KLHDC8B: variants seen among roughly 807,000 people sequenced by gnomAD.
KLHDC8B encodes the protein kelch domain containing 8B.
Under a neutral mutation model 26.3 loss-of-function variants are expected in KLHDC8B, and 19 were observed. The ratio of observed to expected loss-of-function variants is 0.72; its 90% CI spans 0.50 to 1.06. The LOEUF (loss-of-function observed/expected upper bound fraction) is 1.06. Ranked by LOEUF, KLHDC8B falls within the 50% of genes least tolerant of loss-of-function variation. KLHDC8B has a pLI of 0.00. For missense variants in KLHDC8B, 411 were observed against 488.1 expected (o/e 0.84, Z 1.49); for synonymous variants, 150 against 188.4 (o/e 0.80, Z 1.67).
chr3:49,175,074 A>C lies in KLHDC8B; in HGVS notation c.779A>C (p.Lys260Thr). 1 of 1,614,120 alleles carries C rather than the reference A, an allele frequency of 6.2e-7. No individual in the cohort carries two copies. The highest frequency in any genetic ancestry group is 2.2e-5 in the East Asian group (1 of 44,888). The change falls in exon 5 of 6, where the codon AAA (lysine) becomes ACA (threonine). Residue 260 changes from lysine to threonine, a missense_variant. Transcript: ENST00000332780. ...MFDLEHGSWT[K>T]LPRSLRMRDK... ...CCCTCTCCTGCAGGGTCCTGGACCA[A>C]ATTGCCCCGCAGCCTGCGCATGAGG... is the stretch of plus-strand genomic sequence containing the variant.
intron 5 of KLHDC8B, 126 bp downstream of exon 5, chr3:49,175,289 C>G: frequency 2.7e-6 from 2 of 746,072 alleles, no homozygotes; most frequent in African/African-American, 3.5e-5. Context: ...AGCTCTTTTC[C>G]CTATCTATGA....
chr3:49,172,943 A>G lies in KLHDC8B; in HGVS notation c.174A>G (p.Thr58=), dbSNP rs1382159075. Residue 58 remains threonine (T), a synonymous_variant, in exon 2 of 6, where the codon ACA becomes ACG. Coordinates refer to ENST00000332780, the MANE Select transcript of KLHDC8B (RefSeq NM_173546.3). ...AGACACTGGACATGGCCTCGCACAC[A>G]TGGCTGGCACTGGCACCCCTGCCCA... is the stretch of plus-strand genomic sequence containing the variant. ...TAETLDMASH[T]WLALAPLPTA... 4 of 1,613,806 alleles carry G rather than the reference A, an allele frequency of 2.5e-6. No homozygotes were observed. In the African/African-American group the frequency reaches 4.0e-5, roughly 16 times the overall value.
chr3:49,174,838 C>T lies in KLHDC8B; in HGVS notation c.638C>T (p.Ala213Val), dbSNP rs550840102. ...TRHPSLPSRR[A>V]FAGCAMAEGS... ...CATCCAAGCCTACCCAGCCGTCGGGCCTTTGCTGGCTGCGCCATGGCTGAA... is the reference window on the plus strand; with the variant it reads ...CATCCAAGCCTACCCAGCCGTCGGGTCTTTGCTGGCTGCGCCATGGCTGAA... Residue 213 changes from alanine (A) to valine (V), a missense_variant, in exon 4 of 6, where the codon GCC (alanine) becomes GTC (valine). Coordinates refer to ENST00000332780, the MANE Select transcript of KLHDC8B (RefSeq NM_173546.3). 9.9e-6 allele frequency: 16 copies of T among 1,614,024 alleles called. No homozygotes were observed. The highest frequency in any genetic ancestry group is 1.4e-5 in the Non-Finnish European group (16 of 1,180,050).
intron 5 of KLHDC8B, 131 bp downstream of exon 5, chr3:49,175,294 CTA>C (rs2045816246): frequency 4.1e-6 from 3 of 723,608 alleles, no homozygotes. Context: ...TTTTCCCTAT[CTA>C]TGAAGTAGGC....
chr3:49,175,469 T>C (rs2045818199), intron 5 of KLHDC8B, 136 bp from the exon 6 acceptor site: 1 of 677,100 alleles, frequency 1.5e-6, no homozygotes, highest in Non-Finnish European at 2.6e-6. Flanking sequence ...ATGATGAACA[T>C]AGGCAATGAG....
At chr3:49,174,444 GA>G (rs1370168855) in intron 3 of KLHDC8B, 41 bp downstream of exon 3, 2 of 1,583,348 alleles carry the variant, frequency 1.3e-6, no homozygotes, top group African/African-American at 2.7e-5. Context: ...TCAGAGTCTA[GA>G]AATCCTCATC....
At chr3:49,174,209 G>A in intron 2 of KLHDC8B, 30 bp from the exon 3 acceptor site, 1 of 1,565,434 alleles carries the variant, frequency 6.4e-7, no homozygotes, top group Non-Finnish European at 8.7e-7. Flanking sequence ...GCAGGCTGAG[G>A]TACAATCTGA....
chr3:49,174,682 G>A, intron 3 of KLHDC8B, 60 bp from the exon 4 acceptor site: 1 of 1,537,706 alleles, frequency 6.5e-7, no homozygotes, highest in South Asian at 1.3e-5. Flanking sequence ...GCAACCTAGT[G>A]AGCAAGGAGC....
chr3:49,174,221 C>T lies in KLHDC8B; in HGVS notation c.377-18C>T, dbSNP rs1212235452. 3 of 1,588,724 alleles carry T rather than the reference C, an allele frequency of 1.9e-6. No homozygotes were observed. In the Admixed American group the frequency reaches 5.1e-5, roughly 27 times the overall value. ...CTGGCAGGCTGAGGTACAATCTGAA[C>T]TACTCTTTTCTATGCAGATGGTATG... On this transcript the variant is annotated intron_variant, in intron 2 of 5. Coordinates refer to ENST00000332780, the MANE Select transcript of KLHDC8B (RefSeq NM_173546.3).
In KLHDC8B at chr3:49,174,659, G is replaced by A. The variant is rs563842113; in HGVS notation, c.542-83G>A. On this transcript the variant is annotated intron_variant, in intron 3 of 5. Coordinates refer to ENST00000332780, the MANE Select transcript of KLHDC8B (RefSeq NM_173546.3). ...CACACAGCAGGATGTGGGAGGCTGA[G>A]GCAGGCAGATTAGCAACCTAGTGAG... 1.4e-5 allele frequency: 21 copies of A among 1,505,460 alleles called. No individual in the cohort carries two copies. In the South Asian group the frequency reaches 2.8e-4, roughly 20 times the overall value. The allele number at this position is 1,505,460 out of a possible 1,614,324, so 93.3% of individuals were successfully genotyped here. A position where few individuals can be genotyped will look rare whatever the true frequency, so the allele number is the denominator to read the frequency against.
At chr3:49,172,118 C>T (rs978312396) in intron 1 of KLHDC8B, among the ~76,000 whole-genome samples, 1 of 152,212 alleles carries the variant, frequency 6.6e-6, no homozygotes, top group African/African-American at 2.4e-5. Context: ...TGACTCTGGT[C>T]TTTTACTAGT....
In KLHDC8B at chr3:49,172,912, C is replaced by G; in HGVS notation, c.143C>G (p.Thr48Ser). The G allele has an allele frequency of 6.2e-7, 1 of 1,614,130 alleles. No homozygotes were observed. The highest frequency in any genetic ancestry group is 1.1e-5 in the South Asian group (1 of 91,088). The change falls in exon 2 of 6, where the codon ACT becomes AGT. Residue 48 changes from threonine (T) to serine (S), a missense_variant. Thr to Ser is a moderately conservative substitution (Grantham distance 58). Coordinates refer to ENST00000332780, the MANE Select transcript of KLHDC8B (RefSeq NM_173546.3). ...GGCCGGGCTGGACTGCCCCTGGACA[C>G]TGCTGAGACACTGGACATGGCCTCG... ...GCGRAGLPLD[T>S]AETLDMASHT...
chr3:49,174,225 T>G lies in KLHDC8B; in HGVS notation c.377-14T>G. On this transcript the variant is annotated splice_polypyrimidine_tract_variant and intron_variant, in intron 2 of 5. Transcript: ENST00000332780. ...CAGGCTGAGGTACAATCTGAACTACTCTTTTCTATGCAGATGGTATGGTGT... is the reference window on the plus strand; with the variant it reads ...CAGGCTGAGGTACAATCTGAACTACGCTTTTCTATGCAGATGGTATGGTGT... 1 of 1,596,596 alleles carries G rather than the reference T, an allele frequency of 6.3e-7. No homozygotes were observed. The highest frequency in any genetic ancestry group is 8.6e-7 in the Non-Finnish European group (1 of 1,167,042).
intron 5 of KLHDC8B, 73 bp from the exon 6 acceptor site, chr3:49,175,532 G>T: frequency 8.6e-7 from 1 of 1,158,102 alleles, no homozygotes. Context: ...GCTATTCTCT[G>T]GGCTTAGGGA....
chr3:49,173,134 C>T lies in KLHDC8B; in HGVS notation c.365C>T (p.Thr122Ile). Residue 122 changes from threonine (T) to isoleucine (I), a missense_variant, in exon 2 of 6, where the codon ACT (threonine) becomes ATT (isoleucine). Thr to Ile is a moderately conservative substitution (Grantham distance 89). Coordinates refer to ENST00000332780, the MANE Select transcript of KLHDC8B (RefSeq NM_173546.3). ...TLPQAAMGVA[T>I]VERDGMVYAL... is the part of the protein sequence containing the mutation. ...CCTCAAGCAGCCATGGGGGTTGCAA[C>T]TGTGGAGAGAGGTGAGTGGCCTCCC... The T allele has an allele frequency of 6.4e-7, 1 of 1,570,648 alleles. No homozygotes were observed. The highest frequency in any genetic ancestry group is 8.6e-7 in the Non-Finnish European group (1 of 1,157,948).
At chr3:49,174,045 G>T (rs1347492608) in intron 2 of KLHDC8B, 194 bp from the exon 3 acceptor site, 2 of 471,452 alleles carry the variant, frequency 4.2e-6, no homozygotes, top group African/African-American at 4.0e-5. Context: ...TCTTTACTCG[G>T]AGGGGCCCTG....
Position 49,173,142 on chromosome 3 carries a change from A to G in KLHDC8B, c.373A>G (p.Arg125Gly), listed in dbSNP as rs1381815611. ...QAAMGVATVE[R>G]DGMVYALGGM... is the part of the protein sequence containing the mutation. Reference sequence around the variant, plus strand: ...AGCCATGGGGGTTGCAACTGTGGAGAGAGGTGAGTGGCCTCCCAAGGAAGG... The same window carrying G: ...AGCCATGGGGGTTGCAACTGTGGAGGGAGGTGAGTGGCCTCCCAAGGAAGG... Residue 125 changes from arginine to glycine, a missense_variant, in exon 2 of 6, where the codon AGA (arginine) becomes GGA (glycine). Arg to Gly is a moderately radical substitution (Grantham distance 125). Coordinates refer to ENST00000332780, the MANE Select transcript of KLHDC8B (RefSeq NM_173546.3). 2 of 1,566,410 alleles carry G rather than the reference A, an allele frequency of 1.3e-6. No homozygotes were observed. The highest frequency in any genetic ancestry group is 1.9e-5 in the Admixed American group (1 of 52,820).
chr3:49,174,820 G>A lies in KLHDC8B; in HGVS notation c.620G>A (p.Ser207Asn), dbSNP rs1392733694. The A allele has an allele frequency of 6.2e-7, 1 of 1,614,076 alleles. No homozygotes were observed. The highest frequency in any genetic ancestry group is 1.1e-5 in the South Asian group (1 of 91,084). Residue 207 changes from serine to asparagine, a missense_variant, in exon 4 of 6, where the codon AGC becomes AAC. Ser to Asn is a conservative substitution (Grantham distance 46). Coordinates refer to ENST00000332780, the MANE Select transcript of KLHDC8B (RefSeq NM_173546.3). ...GCCCGTACATGGACCCGGCATCCAA[G>A]CCTACCCAGCCGTCGGGCCTTTGCT... ...LEARTWTRHP[S>N]LPSRRAFAGC... is the part of the protein sequence containing the mutation.
chr3:49,175,812 G>A lies in KLHDC8B; in HGVS notation c.*11G>A, dbSNP rs770904221. 207 of 1,613,400 alleles carry A rather than the reference G, an allele frequency of 1.3e-4. No homozygotes were observed. Among genetic ancestry groups the A allele is most frequent in the Non-Finnish European group, 1.8e-4 (207 of 1,179,742 alleles). ...CGTGATGGGGTCTGAAGGCTTGGTG[G>A]GAGCTGTCCACTGGAGCAGCTCATT... On this transcript the variant is annotated 3_prime_UTR_variant, in exon 6 of 6. Coordinates refer to ENST00000332780, the MANE Select transcript of KLHDC8B (RefSeq NM_173546.3).
Sources: gnomAD v4.1 joint callset for allele counts (sites outside exome capture counted in the v4.1 genomes callset) on GRCh38, gnomAD v4.1.1 for gene constraint, MANE v1.5 for transcripts, NCBI Gene and HGNC (gene_info 2026-07-23, HGNC 2026-07-21) for gene names.